IQCH: variants seen among roughly 807,000 people sequenced by gnomAD.
IQCH encodes the protein IQ domain-containing protein H.
A neutral mutation model predicts 117.0 loss-of-function variants in IQCH; 98 were observed. The ratio of observed to expected loss-of-function variants is 0.84; its 90% CI spans 0.71 to 0.99. The LOEUF is 0.99. IQCH is among the 50% of genes least tolerant of loss of function. IQCH has a pLI of 0.00. For missense variants in IQCH, 1,102 were observed against 1,243.8 expected (o/e 0.89, Z 1.72); for synonymous variants, 412 against 448.2 (o/e 0.92, Z 1.02).
intron 18 of IQCH, among the ~76,000 whole-genome samples, chr15:67,483,882 A>G (rs753006687): frequency 6.6e-6 from 1 of 152,220 alleles, no homozygotes; most frequent in African/African-American, 2.4e-5. Flanking sequence ...GAGGAAAAAT[A>G]TAACAGTAGC....
intron 16 of IQCH, among the ~76,000 whole-genome samples, chr15:67,442,863 GATATAC>G (rs930735947): frequency 1.0e-4 from 12 of 115,920 alleles, no homozygotes; most frequent in African/African-American, 4.1e-4. Flanking sequence ...TAGATAGATA[GATATAC>G]ATATATATAT....
chr15:67,317,902 A>T (rs1284516735), intron 4 of IQCH, among the ~76,000 whole-genome samples: 1 of 152,044 alleles, frequency 6.6e-6, no homozygotes, highest in Non-Finnish European at 1.5e-5. Context: ...AGCCCTACAC[A>T]CGGCTTCCCT....
intron 1 of IQCH, among the ~76,000 whole-genome samples, chr15:67,260,066 T>C (rs1451108097): frequency 6.6e-6 from 1 of 152,242 alleles, no homozygotes. Flanking sequence ...AGTCCAGTTA[T>C]ACTAACAGAG....
At chr15:67,263,488 G>C (rs1965542179) in intron 3 of IQCH, among the ~76,000 whole-genome samples, 1 of 151,900 alleles carries the variant, frequency 6.6e-6, no homozygotes, top group Non-Finnish European at 1.5e-5. Flanking sequence ...AGTTTATGCA[G>C]ATTAAAAAAA....
In IQCH at chr15:67,430,058, C is replaced by G. The variant is rs991097349; in HGVS notation, c.2505+8481C>G. On this transcript the variant is annotated intron_variant, in intron 16 of 20. Coordinates refer to ENST00000335894, the MANE Select transcript of IQCH (RefSeq NM_001031715.3). This position sits in a 1 kb window ranked among gnomAD's most constrained non-coding sequence, Gnocchi z 5.1. The stretch of plus-strand genomic sequence containing the variant: ...ATTACTCCTGCCAGTGGATTTAGGT[C>G]CAGGATTTTGGTACCCTAGAAATGG... 4.6e-5 allele frequency among the ~76,000 whole-genome samples: 7 copies of G among 152,056 alleles called. No individual in the cohort carries two copies. Among genetic ancestry groups the G allele is most frequent in the Non-Finnish European group, 7.4e-5 (5 of 68,014 alleles).
chr15:67,345,593 GA>G (rs889286275), intron 6 of IQCH, among the ~76,000 whole-genome samples: 3 of 152,050 alleles, frequency 2.0e-5, no homozygotes, highest in African/African-American at 7.2e-5. Flanking sequence ...AAAACTATGA[GA>G]AAAACATCAG....
rs1969209204 is a variant in IQCH at position 67,342,281 on chromosome 15, AAAAC to A, written c.509-1778_509-1775del. On this transcript the variant is annotated intron_variant, in intron 5 of 20. Coordinates refer to ENST00000335894, the MANE Select transcript of IQCH (RefSeq NM_001031715.3). The surrounding 1 kb of genome is among the most constrained non-coding windows in gnomAD (Gnocchi z 4.7). ...GACCCTGTCTCTAAAAAAGCAAAACAAAACAAAGATGCATACAGAGTCCTGTAGG... is the reference window on the plus strand; with the variant it reads ...GACCCTGTCTCTAAAAAAGCAAAACAAAAGATGCATACAGAGTCCTGTAGG... Among the ~76,000 whole-genome samples, 1 of 152,222 alleles carries A rather than the reference AAAAC, an allele frequency of 6.6e-6. No homozygotes were observed. The highest frequency in any genetic ancestry group is 1.5e-5 in the Non-Finnish European group (1 of 68,034).
chr15:67,311,221 T>C (rs766100599), intron 4 of IQCH, among the ~76,000 whole-genome samples: 1 of 152,134 alleles, frequency 6.6e-6, no homozygotes, highest in Non-Finnish European at 1.5e-5. Flanking sequence ...TATTAAGGAA[T>C]GTAAGCAGTT....
At chr15:67,339,189 A>T (rs1008321494) in intron 5 of IQCH, among the ~76,000 whole-genome samples, 57 of 152,324 alleles carry the variant, frequency 3.7e-4, no homozygotes, top group Admixed American at 3.5e-3. Flanking sequence ...TGAACTTCCA[A>T]TTCTTAATCT....
In IQCH at chr15:67,475,910, T is replaced by C. The variant is rs1447905755; in HGVS notation, c.2799+92T>C. On this transcript the variant is annotated intron_variant, in intron 18 of 20. Transcript: ENST00000335894. The surrounding 1 kb of genome is among the most constrained non-coding windows in gnomAD (Gnocchi z 5.7). ...AATTTGGTGCCCCTTCAGATAGATATTCTTTAAATACCGGTTTGACGTGTC... is the reference window on the plus strand; with the variant it reads ...AATTTGGTGCCCCTTCAGATAGATACTCTTTAAATACCGGTTTGACGTGTC... The C allele has an allele frequency of 3.5e-6, 4 of 1,128,110 alleles. No homozygotes were observed. The highest frequency in any genetic ancestry group is 3.9e-6 in the Non-Finnish European group (3 of 766,088). 69.9% of individuals were successfully genotyped at this position (1,128,110 alleles called of 1,614,324 possible).
intron 4 of IQCH, among the ~76,000 whole-genome samples, chr15:67,288,005 G>T (rs1371840682): frequency 1.3e-5 from 2 of 152,054 alleles, no homozygotes; most frequent in Non-Finnish European, 2.9e-5. Context: ...TGACCCACTG[G>T]TCATTCAGGA....
intron 3 of IQCH, among the ~76,000 whole-genome samples, chr15:67,277,734 C>T (rs1194704847): frequency 6.6e-6 from 1 of 151,910 alleles, no homozygotes; most frequent in Admixed American, 6.6e-5. Flanking sequence ...GGGGTTTCAC[C>T]GTGTTAGCCA....
chr15:67,314,814 T>C (rs1967770551), intron 4 of IQCH, among the ~76,000 whole-genome samples: 1 of 152,240 alleles, frequency 6.6e-6, no homozygotes, highest in Non-Finnish European at 1.5e-5. Flanking sequence ...GAAATCTAAT[T>C]TTTAAATGTG....
In IQCH at chr15:67,337,031, A is replaced by G. The variant is rs1237256885; in HGVS notation, c.444A>G (p.Pro148=). The G allele has an allele frequency of 2.5e-6, 4 of 1,613,750 alleles. No individual in the cohort carries two copies. The South Asian group carries it at 3.3e-5, about 13-fold the overall frequency. Residue 148 remains proline, a synonymous_variant, in exon 5 of 21, where the codon CCA becomes CCG. Coordinates refer to ENST00000335894, the MANE Select transcript of IQCH (RefSeq NM_001031715.3). ...GSNISSLTVL[P]SSHCTDPYFT... ...ACATATCCAGCCTCACGGTTCTGCC[A>G]TCTTCTCATTGCACAGATCCCTATT...
chr15:67,373,543 C>A, intron 10 of IQCH, 110 bp downstream of exon 10: 1 of 782,740 alleles, frequency 1.3e-6, no homozygotes, highest in Non-Finnish European at 2.3e-6. Flanking sequence ...TTGGTCTCGG[C>A]AGGAAAATGT....
In IQCH at chr15:67,388,717, C is replaced by T. The variant is rs1484274703; in HGVS notation, c.1457-114C>T. On this transcript the variant is annotated intron_variant, in intron 11 of 20. Coordinates refer to ENST00000335894, the MANE Select transcript of IQCH (RefSeq NM_001031715.3). This position sits in a 1 kb window ranked among gnomAD's most constrained non-coding sequence, Gnocchi z 5.5. ...CAAAACCAAACTAAATTAACCTTAA[C>T]CTGGGTTTTGGATATGCTCTTTATT... The T allele has an allele frequency of 1.1e-6, 1 of 879,256 alleles. No individual in the cohort carries two copies. Among genetic ancestry groups the T allele is most frequent in the Non-Finnish European group, 1.7e-6 (1 of 571,874 alleles). 54.5% of individuals were successfully genotyped at this position (879,256 alleles called of 1,614,324 possible). A position where few individuals can be genotyped will look rare whatever the true frequency, so the allele number is the denominator to read the frequency against.
chr15:67,259,058 A>G (rs1965349587), intron 1 of IQCH, among the ~76,000 whole-genome samples: 1 of 152,232 alleles, frequency 6.6e-6, no homozygotes, highest in Admixed American at 6.5e-5. Flanking sequence ...ATTAACATTT[A>G]CAGGGTATTA....
At chr15:67,306,982 C>A in intron 4 of IQCH, 1 of 1,372,652 alleles carries the variant, frequency 7.3e-7, no homozygotes, top group Non-Finnish European at 9.4e-7. Context: ...AAAAGTGTTT[C>A]TTAAAAGGCT....
intron 8 of IQCH, among the ~76,000 whole-genome samples, chr15:67,363,152 G>T (rs1242563128): frequency 2.1e-5 from 3 of 143,232 alleles, no homozygotes; most frequent in African/African-American, 5.2e-5. Context: ...CTTAAAGGAA[G>T]AAGAGAAAAG....
Sources: allele counts gnomAD v4.1 joint callset (sites outside exome capture counted in the v4.1 genomes callset), GRCh38; gene constraint gnomAD v4.1.1; non-coding constraint Gnocchi (gnomAD v3.1); transcripts MANE v1.5; gene names NCBI Gene and HGNC (gene_info 2026-07-23, HGNC 2026-07-21).